Variants in ARHGEF26 observed in about 807,000 individuals in gnomAD.
The protein encoded by ARHGEF26 is Rho guanine nucleotide exchange factor (GEF) 26.
Under a neutral mutation model 89.4 loss-of-function variants are expected in ARHGEF26, and 59 were observed. The observed-to-expected ratio is 0.66, with a 90% CI of 0.54 to 0.82. The LOEUF (loss-of-function observed/expected upper bound fraction) is 0.82. ARHGEF26 is among the 40% of genes least tolerant of loss of function. The pLI, the probability that ARHGEF26 is intolerant of heterozygous loss-of-function variation, is 0.00. For synonymous variants in ARHGEF26, 500 were observed against 428.4 expected (o/e 1.17, Z -2.06); for missense variants, 1,234 against 1,085.6 (o/e 1.14, Z -1.92).
intron 9 of ARHGEF26, among the ~76,000 whole-genome samples, chr3:154,210,213 C>T (rs1028515142): frequency 6.6e-6 from 1 of 152,034 alleles, no homozygotes; most frequent in Non-Finnish European, 1.5e-5. Flanking sequence ...AGTCGGGGAC[C>T]CCAGGAGCCT....
intron 6 of ARHGEF26, among the ~76,000 whole-genome samples, chr3:154,169,450 A>G (rs1712277518): frequency 1.3e-5 from 2 of 151,868 alleles, no homozygotes; most frequent in South Asian, 4.1e-4. Flanking sequence ...TTCTTATACT[A>G]TAAACAAGTG....
At chr3:154,142,128 A>G (rs565707859) in intron 4 of ARHGEF26, among the ~76,000 whole-genome samples, 3 of 152,370 alleles carry the variant, frequency 2.0e-5, no homozygotes, top group Non-Finnish European at 4.4e-5. Context: ...AGTTTTGTCT[A>G]TAGGATGTAA....
At chr3:154,168,724 C>G (rs1001661750) in intron 6 of ARHGEF26, among the ~76,000 whole-genome samples, 1 of 152,146 alleles carries the variant, frequency 6.6e-6, no homozygotes. Flanking sequence ...GTTTATCCTC[C>G]TAGCATTTCC....
At chr3:154,155,496 A>G (rs1165787429) in intron 6 of ARHGEF26, among the ~76,000 whole-genome samples, 5 of 152,048 alleles carry the variant, frequency 3.3e-5, no homozygotes, top group African/African-American at 1.2e-4. Flanking sequence ...TGTTAGAGGC[A>G]TCTTATCTGA....
intron 6 of ARHGEF26, among the ~76,000 whole-genome samples, chr3:154,162,310 A>G (rs1324057342): frequency 6.6e-6 from 1 of 152,210 alleles, no homozygotes; most frequent in Non-Finnish European, 1.5e-5. Context: ...TTTAAGTGGA[A>G]GGGAGATGGT....
At position 154,134,924 on chromosome 3, in the gene ARHGEF26, A is replaced by G. The variant is rs367736664; in HGVS notation, c.1269+5205A>G. Among the ~76,000 whole-genome samples the G allele has an allele frequency of 2.0e-5, 3 of 152,192 alleles. No homozygotes were observed. The East Asian group carries it at 5.8e-4, about 29-fold the overall frequency. On this transcript the variant is annotated intron_variant, in intron 4 of 14. Coordinates refer to ENST00000465093, the MANE Select transcript of ARHGEF26 (RefSeq NM_015595.4). ...TGAACCAACCTTGCATCCCATGGAT[A>G]AAGCCTAGTTGATCATGGTGGATAA...
intron 3 of ARHGEF26, among the ~76,000 whole-genome samples, chr3:154,126,031 AGTT>A (rs1244672359): frequency 6.6e-6 from 1 of 152,126 alleles, no homozygotes; most frequent in Non-Finnish European, 1.5e-5. Flanking sequence ...CTGTTGCCTA[AGTT>A]GTTGTGAAAA....
At chr3:154,211,391 T>G (rs1015528896) in intron 9 of ARHGEF26, among the ~76,000 whole-genome samples, 1 of 151,786 alleles carries the variant, frequency 6.6e-6, no homozygotes, top group African/African-American at 2.4e-5. Flanking sequence ...ATCAGCTGAG[T>G]TTGGTCTTTT....
rs1718573734 is a variant in ARHGEF26 at position 154,257,130 on chromosome 3, C to T, written c.*1657C>T. On this transcript the variant is annotated 3_prime_UTR_variant, in exon 15 of 15. Coordinates refer to ENST00000465093, the MANE Select transcript of ARHGEF26 (RefSeq NM_015595.4). ...TTGAGGGGTAAGTGTGCCTGGCTCA[C>T]ACAGCCTGCACCCTGTCACCTCGGC... The T allele has an allele frequency of 2.3e-6, 2 of 854,142 alleles. No homozygotes were observed. Among genetic ancestry groups the T allele is most frequent in the Admixed American group, 3.3e-5 (1 of 30,114 alleles). 52.9% of individuals were successfully genotyped at this position (854,142 alleles called of 1,614,324 possible). A position where few individuals can be genotyped will look rare whatever the true frequency, so the allele number is the denominator to read the frequency against.
rs116526685 is a variant in ARHGEF26 at position 154,182,623 on chromosome 3, A to G, written c.1488-5062A>G. Reference sequence around the variant, plus strand: ...GACCATTCAACATTAATCTTGGAAAATGATCTTTTTCTTTGCAGTTCCAGC... The same window carrying G: ...GACCATTCAACATTAATCTTGGAAAGTGATCTTTTTCTTTGCAGTTCCAGC... On this transcript the variant is annotated intron_variant, in intron 6 of 14. Transcript: ENST00000465093. Among the ~76,000 whole-genome samples the G allele has an allele frequency of 8.1e-3, 1,235 of 152,276 alleles. 21 individuals are homozygous for G. Among genetic ancestry groups the G allele is most frequent in the African/African-American group, 0.029 (1,190 of 41,546 alleles).
At chr3:154,214,731 C>A (rs1302647918) in intron 9 of ARHGEF26, among the ~76,000 whole-genome samples, 1 of 152,044 alleles carries the variant, frequency 6.6e-6, no homozygotes, top group African/African-American at 2.4e-5. Flanking sequence ...CAAAAATGTC[C>A]CAAGCAGCAG....
At chr3:154,144,736 C>T (rs1395139115) in intron 4 of ARHGEF26, among the ~76,000 whole-genome samples, 2 of 152,100 alleles carry the variant, frequency 1.3e-5, no homozygotes, top group Non-Finnish European at 2.9e-5. Flanking sequence ...TTAGCAAACT[C>T]GATGTTGCCT....
At chr3:154,217,743 A>C in intron 9 of ARHGEF26, 126 bp from the exon 10 acceptor site, 1 of 704,208 alleles carries the variant, frequency 1.4e-6, no homozygotes, top group Non-Finnish European at 2.5e-6. Context: ...AAAAACTGTG[A>C]GTTCTCTGTC....
intron 5 of ARHGEF26, 131 bp from the exon 6 acceptor site, chr3:154,152,641 T>C: frequency 1.7e-6 from 1 of 587,446 alleles, no homozygotes; most frequent in Non-Finnish European, 2.6e-6. Flanking sequence ...TTTAATGTTC[T>C]TTTTGTACTT....
intron 2 of ARHGEF26, 93 bp from the exon 3 acceptor site, chr3:154,124,317 T>C (rs1356259996): frequency 5.8e-6 from 5 of 862,042 alleles, no homozygotes; most frequent in Non-Finnish European, 8.8e-6. Flanking sequence ...AAAAGTATTT[T>C]TACTTAAAAT....
chr3:154,122,273 G>A lies in ARHGEF26; in HGVS notation c.281G>A (p.Gly94Asp), dbSNP rs1353389151. ...LGAQRRAVAN[G>D]GTASPEYRAA... ...GCCCAGCGGAGAGCGGTGGCCAATG[G>A]TGGGACGGCATCCCCGGAGTACAGG... Residue 94 changes from glycine (G) to aspartate (D), a missense_variant, in exon 2 of 15, where the codon GGT becomes GAT. Transcript: ENST00000465093. 6.2e-6 allele frequency: 10 copies of A among 1,612,418 alleles called. No individual in the cohort carries two copies. The Admixed American group carries it at 1.3e-4, about 22-fold the overall frequency.
At chr3:154,170,268 G>A (rs1712340390) in intron 6 of ARHGEF26, among the ~76,000 whole-genome samples, 2 of 152,072 alleles carry the variant, frequency 1.3e-5, no homozygotes, top group African/African-American at 4.8e-5. Flanking sequence ...AGCTGAGGTG[G>A]GAGGACTGCC....
rs74433220 is a variant in ARHGEF26, at chr3:154,211,003, G to A, written c.1846-6866G>A. On this transcript the variant is annotated intron_variant, in intron 9 of 14. Transcript: ENST00000465093. The stretch of plus-strand genomic sequence containing the variant: ...CCTGGAACGGGGGCCTCACAACAGT[G>A]AGCATTACCCTCTCCCACTGTGGCT... Among the ~76,000 whole-genome samples, 887 of 151,726 alleles carry A rather than the reference G, an allele frequency of 5.8e-3. 44 individuals are homozygous for A. The East Asian group carries it at 0.12, about 20-fold the overall frequency.
intron 4 of ARHGEF26, 105 bp downstream of exon 4, chr3:154,129,824 A>C (rs1718571696): frequency 7.8e-7 from 1 of 1,282,520 alleles, no homozygotes; most frequent in Admixed American, 2.6e-5. Context: ...CCTGTAACTA[A>C]GGAGAAAGAC....
Sources: allele counts gnomAD v4.1 joint callset (sites outside exome capture counted in the v4.1 genomes callset), GRCh38; gene constraint gnomAD v4.1.1; transcripts MANE v1.5; gene names NCBI Gene and HGNC (gene_info 2026-07-23, HGNC 2026-07-21).